The following TDRKH variants were observed in gnomAD, a reference collection of about 807,000 sequenced individuals.
TDRKH encodes the protein tudor and KH domain-containing protein.
TDRKH carries 28 observed loss-of-function variants against 61.3 expected under a neutral mutation model. The ratio of observed to expected loss-of-function variants is 0.46; its 90% CI spans 0.34 to 0.63. The LOEUF (loss-of-function observed/expected upper bound fraction) is 0.63. Ranked by LOEUF, TDRKH falls within the 20% of genes least tolerant of loss-of-function variation. The pLI is 0.01. For missense variants in TDRKH, 540 were observed against 683.4 expected (o/e 0.79, Z 2.34); for synonymous variants, 219 against 244.4 (o/e 0.90, Z 0.97).
rs1445919496 is a variant in TDRKH, at chr1:151,773,540, A to G, written c.*912T>C. ...GCAAAAAAATCCTCCAAATGATTCA[A>G]ACAGGACTGTATACTCTTCCTCTCT... is the stretch of plus-strand genomic sequence containing the variant. On this transcript the variant is annotated 3_prime_UTR_variant, in exon 13 of 13. Transcript: ENST00000368824. 6.6e-6 allele frequency: 1 copy of G among 152,616 alleles called. No individual in the cohort carries two copies. The highest frequency in any genetic ancestry group is 1.9e-4 in the East Asian group (1 of 5,194). 9.5% of individuals were successfully genotyped at this position (152,616 alleles called of 1,614,324 possible).
chr1:151,782,223 G>A (rs1348095434), intron 2 of TDRKH, among the ~76,000 whole-genome samples: 1 of 152,198 alleles, frequency 6.6e-6, no homozygotes, highest in Non-Finnish European at 1.5e-5. Context: ...AGCACTTTGG[G>A]AGGCCGAGGC....
At chr1:151,786,248 C>G (rs2101621874) in intron 1 of TDRKH, among the ~76,000 whole-genome samples, 1 of 152,310 alleles carries the variant, frequency 6.6e-6, no homozygotes, top group East Asian at 1.9e-4. Context: ...TTTCTTACAA[C>G]AGTCATCCTC....
downstream of TDRKH, chr1:151,766,660 C>T: frequency 2.6e-6 from 4 of 1,547,530 alleles, no homozygotes; most frequent in Non-Finnish European, 2.6e-6. Context: ...ACCAGGTTGC[C>T]TAAACCTCTG....
At chr1:151,785,190 C>T (rs1252762515) in intron 1 of TDRKH, among the ~76,000 whole-genome samples, 2 of 152,192 alleles carry the variant, frequency 1.3e-5, no homozygotes, top group Non-Finnish European at 2.9e-5. Context: ...CCTCAGCCTT[C>T]CAAAGTGCTG....
At chr1:151,779,894 A>C in intron 4 of TDRKH, 57 bp downstream of exon 4, 1 of 1,521,570 alleles carries the variant, frequency 6.6e-7, no homozygotes, top group Non-Finnish European at 8.9e-7. Context: ...GGAAGGTGTG[A>C]AAGAGGGGCA....
In TDRKH at chr1:151,774,788, A is replaced by G; in HGVS notation, c.1555T>C (p.Ser519Pro). The G allele has an allele frequency of 6.2e-7, 1 of 1,614,178 alleles. No individual in the cohort carries two copies. The highest frequency in any genetic ancestry group is 1.3e-5 in the African/African-American group (1 of 75,044). ...LKDMATETDA[S>P]LSTLLTETKK... ...GTCTCAGTGAGCAACGTGCTGAGAG[A>G]GGCATCTGTTTCTGTGGCCTGAGTG... Residue 519 changes from serine to proline, a missense_variant, in exon 12 of 13, where the codon TCT becomes CCT. Physicochemically the swap from Ser to Pro is moderately conservative, Grantham distance 74. Coordinates refer to ENST00000368824, the MANE Select transcript of TDRKH (RefSeq NM_001083965.2).
At chr1:151,784,408 AAT>A (rs988899312) in intron 1 of TDRKH, among the ~76,000 whole-genome samples, 2 of 152,186 alleles carry the variant, frequency 1.3e-5, no homozygotes, top group Non-Finnish European at 2.9e-5. Context: ...CTCGAGTGTC[AAT>A]ATATCTGTCC....
Position 151,782,880 on chromosome 1 carries a change from A to G in TDRKH, c.124+19T>C, listed in dbSNP as rs768291468. On this transcript the variant is annotated intron_variant, in intron 2 of 12. Transcript: ENST00000368824. ...CATGTCTGAACATTTTCACACACAC[A>G]GTCATAGGGTTCACGTACCTCTGCT... The G allele has an allele frequency of 6.5e-7, 1 of 1,547,140 alleles. No homozygotes were observed. Among genetic ancestry groups the G allele is most frequent in the Non-Finnish European group, 8.7e-7 (1 of 1,148,514 alleles).
At chr1:151,788,619 T>A (rs760932726) in intron 1 of TDRKH, among the ~76,000 whole-genome samples, 5 of 152,220 alleles carry the variant, frequency 3.3e-5, no homozygotes, top group Non-Finnish European at 7.3e-5. Context: ...TTTGGGAAAC[T>A]GCGGCTAAGG....
At chr1:151,769,917 C>T (rs147961580), downstream of TDRKH, among the ~76,000 whole-genome samples, 2 of 149,054 alleles carry the variant, frequency 1.3e-5, no homozygotes, top group African/African-American at 2.5e-5. Context: ...CACCAAAATA[C>T]GAAAACCAGT....
intron 2 of TDRKH, 48 bp from the exon 3 acceptor site, chr1:151,781,635 C>G: frequency 1.3e-6 from 2 of 1,548,460 alleles, no homozygotes; most frequent in Non-Finnish European, 1.8e-6. Flanking sequence ...ACACCCAAAG[C>G]TAGTATAACT....
chr1:151,779,020 G>A lies in TDRKH; in HGVS notation c.562-14C>T, dbSNP rs1474787414. ...CAGTATCAAATGCTGTGGAAAACAAGAGAAAGGATGATATTCTGACCTGGG... is the reference window on the plus strand; with the variant it reads ...CAGTATCAAATGCTGTGGAAAACAAAAGAAAGGATGATATTCTGACCTGGG... On this transcript the variant is annotated splice_polypyrimidine_tract_variant and intron_variant, in intron 5 of 12. Transcript: ENST00000368824. The A allele has an allele frequency of 7.4e-6, 12 of 1,612,496 alleles. No individual in the cohort carries two copies. Among genetic ancestry groups the A allele is most frequent in the Admixed American group, 3.3e-5 (2 of 59,838 alleles).
At position 151,781,343 on chromosome 1, in the gene TDRKH, A is replaced by ATATATATATATT. The variant is rs1491039334; in HGVS notation, c.231+137_231+138insAATATATATATA. ...AAAAAAAAAAAATATATATATATAT[A>ATATATATATATT]TTTTATATATACACACACACATACA... On this transcript the variant is annotated intron_variant, in intron 3 of 12. Coordinates refer to ENST00000368824, the MANE Select transcript of TDRKH (RefSeq NM_001083965.2). 24 of 165,606 alleles carry ATATATATATATT rather than the reference A, an allele frequency of 1.4e-4. No homozygotes were observed. In the East Asian group the frequency reaches 1.5e-3, roughly 10 times the overall value. The allele number at this position is 165,606 out of a possible 1,614,324, so 10.3% of individuals were successfully genotyped here.
Position 151,775,376 on chromosome 1 carries a change from T to C in TDRKH, c.1434+16A>G, listed in dbSNP as rs1286523504. 13 of 1,605,316 alleles carry C rather than the reference T, an allele frequency of 8.1e-6. No homozygotes were observed. Among genetic ancestry groups the C allele is most frequent in the Non-Finnish European group, 1.1e-5 (13 of 1,176,670 alleles). On this transcript the variant is annotated intron_variant, in intron 10 of 12. Coordinates refer to ENST00000368824, the MANE Select transcript of TDRKH (RefSeq NM_001083965.2). Reference sequence around the variant, plus strand: ...TACTGAAGATATGGCAAGCAGTGAGTGAATGCCAGTCTTACCTTCCCATTG... The same window carrying C: ...TACTGAAGATATGGCAAGCAGTGAGCGAATGCCAGTCTTACCTTCCCATTG...
At chr1:151,774,906 G>A (rs546925879) in intron 11 of TDRKH, 100 bp from the exon 12 acceptor site, 2 of 1,438,032 alleles carry the variant, frequency 1.4e-6, no homozygotes, top group Non-Finnish European at 1.9e-6. Context: ...TAAGGCAGTT[G>A]CATTTGGCTA....
chr1:151,772,105 C>CT (rs1648737424), downstream of TDRKH: 5 of 393,766 alleles, frequency 1.3e-5, no homozygotes, highest in Non-Finnish European at 2.2e-5. Flanking sequence ...TTTTTCTTTT[C>CT]TTTTTTTGGA....
chr1:151,767,274 A>G (rs748270700), downstream of TDRKH: 1 of 1,613,948 alleles, frequency 6.2e-7, no homozygotes, highest in Admixed American at 1.7e-5. Flanking sequence ...CAGGGTAACC[A>G]CGACCAGCTT....
Position 151,779,910 on chromosome 1 carries a change from AAAG to A in TDRKH, c.421+38_421+40del, listed in dbSNP as rs749886820. The A allele has an allele frequency of 3.9e-6, 6 of 1,549,618 alleles. No individual in the cohort carries two copies. The Admixed American group carries it at 7.2e-5, about 19-fold the overall frequency. On this transcript the variant is annotated intron_variant, in intron 4 of 12. Coordinates refer to ENST00000368824, the MANE Select transcript of TDRKH (RefSeq NM_001083965.2). ...GAAGGTGTGAAAGAGGGGCAAAGGT[AAAG>A]AATAAAGGAAACAATAGAGGAAGCC...
rs1292474193 is a variant in TDRKH, at chr1:151,790,500, C to A, written c.-148G>T. The A allele has an allele frequency of 6.6e-6, 1 of 152,526 alleles. No homozygotes were observed. Among genetic ancestry groups the A allele is most frequent in the Non-Finnish European group, 1.5e-5 (1 of 68,292 alleles). The allele number at this position is 152,526 out of a possible 1,614,324, so 9.4% of individuals were successfully genotyped here. ...CTCCCACTCACACCACCACAGTGAG[C>A]CCCGCCGGCGGCGCTTCAGCCGCCA... is the stretch of plus-strand genomic sequence containing the variant. On this transcript the variant is annotated 5_prime_UTR_variant, in exon 1 of 13. Transcript: ENST00000368824.
Sources: allele counts gnomAD v4.1 joint callset (sites outside exome capture counted in the v4.1 genomes callset), GRCh38; gene constraint gnomAD v4.1.1; transcripts MANE v1.5; gene names NCBI Gene and HGNC (gene_info 2026-07-23, HGNC 2026-07-21).